Variants in SEMA3C observed in about 807,000 individuals in gnomAD.
SEMA3C encodes semaphorin-3C.
Under a neutral mutation model 89.4 loss-of-function variants are expected in SEMA3C, and 47 were observed. That is an observed-to-expected ratio of 0.53 (90% confidence interval 0.42 to 0.67). SEMA3C has a LOEUF of 0.67. SEMA3C is among the 30% of genes least tolerant of loss of function. The probability of loss-of-function intolerance (pLI) is 0.00; values close to 1 mark genes in which losing one functional copy is unlikely to be tolerated. For synonymous variants in SEMA3C, 310 were observed against 320.2 expected (o/e 0.97, Z 0.34); for missense variants, 839 against 929.1 (o/e 0.90, Z 1.26).
intron 2 of SEMA3C, among the ~76,000 whole-genome samples, chr7:80,842,390 T>A: frequency 6.6e-6 from 1 of 152,144 alleles, no homozygotes; most frequent in Non-Finnish European, 1.5e-5. Flanking sequence ...TCTGGAAACA[T>A]AATATTTATC....
chr7:80,784,911 G>C (rs1056590851), intron 12 of SEMA3C, among the ~76,000 whole-genome samples: 4 of 152,042 alleles, frequency 2.6e-5, no homozygotes, highest in Non-Finnish European at 5.9e-5. Context: ...TTGGGCCATA[G>C]GTTATATTAT....
intron 2 of SEMA3C, among the ~76,000 whole-genome samples, chr7:80,881,721 G>A (rs1791345932): frequency 6.6e-6 from 1 of 152,174 alleles, no homozygotes; most frequent in Non-Finnish European, 1.5e-5. Flanking sequence ...TAAGGTTAGA[G>A]AATTAGATTC....
intron 5 of SEMA3C, among the ~76,000 whole-genome samples, chr7:80,811,665 G>A (rs1306584709): frequency 6.6e-6 from 1 of 152,064 alleles, no homozygotes; most frequent in African/African-American, 2.4e-5. Context: ...TAATATTTTT[G>A]AGTGTGGAAA....
At chr7:80,821,427 T>G (rs529863345) in intron 4 of SEMA3C, among the ~76,000 whole-genome samples, 74 of 152,234 alleles carry the variant, frequency 4.9e-4, no homozygotes, top group South Asian at 4.4e-3. Context: ...TGTTTTTTTT[T>G]GGGGGGGTGG....
chr7:80,920,977 G>C (rs1201644469), upstream of SEMA3C, among the ~76,000 whole-genome samples: 2 of 152,176 alleles, frequency 1.3e-5, no homozygotes, highest in Non-Finnish European at 2.9e-5. Context: ...ATGTGGAGCT[G>C]TTAGAAATTG....
chr7:80,788,079 C>CA (rs1400737435), intron 12 of SEMA3C, among the ~76,000 whole-genome samples: 1 of 152,154 alleles, frequency 6.6e-6, no homozygotes, highest in Non-Finnish European at 1.5e-5. Context: ...CTTATCTTAG[C>CA]ACACTTTGGA....
chr7:80,754,148 G>C (rs776859940), intron 15 of SEMA3C, among the ~76,000 whole-genome samples: 1 of 152,148 alleles, frequency 6.6e-6, no homozygotes, highest in African/African-American at 2.4e-5. Flanking sequence ...TGTTGGTCAG[G>C]CTGCTCTCCA....
chr7:80,908,770 A>G (rs565912001), intron 2 of SEMA3C, among the ~76,000 whole-genome samples: 1 of 152,286 alleles, frequency 6.6e-6, no homozygotes, highest in Non-Finnish European at 1.5e-5. Context: ...ACAAGTCACC[A>G]GAGTTTCTTG....
chr7:80,756,240 T>C (rs1296893715), intron 15 of SEMA3C, among the ~76,000 whole-genome samples: 2 of 152,222 alleles, frequency 1.3e-5, no homozygotes, highest in African/African-American at 4.8e-5. Context: ...TCTGACAACT[T>C]GGATCATTTT....
intron 2 of SEMA3C, among the ~76,000 whole-genome samples, chr7:80,909,537 C>T (rs550202013): frequency 6.6e-6 from 1 of 152,200 alleles, no homozygotes; most frequent in South Asian, 2.1e-4. Context: ...ATCTTAAATG[C>T]TAGCAAGCGT....
At position 80,807,716 on chromosome 7, in the gene SEMA3C, C is replaced by T. The variant is rs1036352094; in HGVS notation, c.539-1958G>A. On this transcript the variant is annotated intron_variant, in intron 6 of 17. Coordinates refer to ENST00000265361, the MANE Select transcript of SEMA3C (RefSeq NM_006379.5). ...AAATAGCAAAAGCACACTGAACTTG[C>T]AAAACTACATCATGAAATTTGGAAT... 4.6e-5 allele frequency among the ~76,000 whole-genome samples: 7 copies of T among 152,256 alleles called. No individual in the cohort carries two copies. The East Asian group carries it at 9.7e-4, about 21-fold the overall frequency.
intron 12 of SEMA3C, among the ~76,000 whole-genome samples, chr7:80,783,149 C>G (rs972061370): frequency 6.6e-6 from 1 of 152,064 alleles, no homozygotes; most frequent in South Asian, 2.1e-4. Context: ...CTTTTTGAAA[C>G]AAATTTTTTC....
chr7:80,900,366 G>A (rs1791849079), intron 2 of SEMA3C, among the ~76,000 whole-genome samples: 1 of 152,078 alleles, frequency 6.6e-6, no homozygotes, highest in African/African-American at 2.4e-5. Flanking sequence ...ATCCACCTTG[G>A]TCTCCCAAAG....
chr7:80,894,364 C>T (rs1478606476), intron 2 of SEMA3C, among the ~76,000 whole-genome samples: 1 of 150,898 alleles, frequency 6.6e-6, no homozygotes, highest in African/African-American at 2.5e-5. Flanking sequence ...ATGTGTTACA[C>T]AATGGTTTCA....
chr7:80,845,539 C>T (rs917233107), intron 2 of SEMA3C, among the ~76,000 whole-genome samples: 2 of 152,104 alleles, frequency 1.3e-5, no homozygotes, highest in Non-Finnish European at 2.9e-5. Flanking sequence ...TTCCTCCCTC[C>T]CAGCCTACCA....
chr7:80,894,980 T>C (rs1007713190), intron 2 of SEMA3C, among the ~76,000 whole-genome samples: 2 of 152,210 alleles, frequency 1.3e-5, no homozygotes, highest in Admixed American at 1.3e-4. Context: ...ATGATTCTAA[T>C]GTTTCTTTTA....
At chr7:80,848,832 ATG>A (rs1030820407) in intron 2 of SEMA3C, among the ~76,000 whole-genome samples, 1 of 152,008 alleles carries the variant, frequency 6.6e-6, no homozygotes, top group African/African-American at 2.4e-5. Context: ...TTCTCAGTCT[ATG>A]TTTTCGTTTT....
chr7:80,884,999 T>C (rs1010885875), intron 2 of SEMA3C, among the ~76,000 whole-genome samples: 12 of 152,240 alleles, frequency 7.9e-5, no homozygotes, highest in Non-Finnish European at 1.5e-4. Flanking sequence ...CAAAATATTT[T>C]ACTGTTGAGT....
chr7:80,799,272 CTAT>C (rs1049784086), intron 10 of SEMA3C, among the ~76,000 whole-genome samples: 1 of 151,856 alleles, frequency 6.6e-6, no homozygotes, highest in Non-Finnish European at 1.5e-5. Flanking sequence ...TACAATTATA[CTAT>C]GTTTTCCCAT....
Sources: allele counts gnomAD v4.1 joint callset (sites outside exome capture counted in the v4.1 genomes callset), GRCh38; gene constraint gnomAD v4.1.1; transcripts MANE v1.5; gene names NCBI Gene and HGNC (gene_info 2026-07-23, HGNC 2026-07-21).